Variants in FIGN observed in about 807,000 individuals in gnomAD.
The protein encoded by FIGN is fidgetin, microtubule severing factor.
FIGN carries 11 observed loss-of-function variants against 51.3 expected under a neutral mutation model. The ratio of observed to expected loss-of-function variants is 0.21; its 90% CI spans 0.13 to 0.35. The LOEUF (loss-of-function observed/expected upper bound fraction) is 0.35. Among genes scored for constraint, FIGN ranks in the 10% least tolerant of loss-of-function variants. The probability of loss-of-function intolerance (pLI) is 1.00; values close to 1 mark genes in which losing one functional copy is unlikely to be tolerated. For synonymous variants in FIGN, 407 were observed against 363.2 expected, an observed-to-expected ratio of 1.12 and a Z score of -1.37; for missense variants, 857 against 943.6, an observed-to-expected ratio of 0.91 and a Z score of 1.20.
Position 163,735,037 on chromosome 2 carries a change from TG to T in FIGN, c.-111del. Reference sequence around the variant, plus strand: ...TCTCAGCTATCAAATGTCACTGCCTTGAAACGTGGGCCCTTTCGTCAGGTAT... The same window carrying T: ...TCTCAGCTATCAAATGTCACTGCCTTAAACGTGGGCCCTTTCGTCAGGTAT... On this transcript the variant is annotated 5_prime_UTR_variant, in exon 2 of 3. Coordinates refer to ENST00000333129, the MANE Select transcript of FIGN (RefSeq NM_018086.4). 9.0e-7 allele frequency: 1 copy of T among 1,106,072 alleles called. No homozygotes were observed. The highest frequency in any genetic ancestry group is 1.3e-6 in the Non-Finnish European group (1 of 748,274). The allele number at this position is 1,106,072 out of a possible 1,614,324, so 68.5% of individuals were successfully genotyped here. A position where few individuals can be genotyped will look rare whatever the true frequency, so the allele number is the denominator to read the frequency against.
chr2:163,727,905 A>T (rs1684863255), intron 2 of FIGN, among the ~76,000 whole-genome samples: 2 of 152,158 alleles, frequency 1.3e-5, no homozygotes, highest in South Asian at 2.1e-4. Flanking sequence ...CAACGATGTA[A>T]ATGTTTTGTC....
intron 2 of FIGN, among the ~76,000 whole-genome samples, chr2:163,613,767 A>T (rs974056087): frequency 1.3e-5 from 2 of 152,232 alleles, no homozygotes; most frequent in Non-Finnish European, 2.9e-5. Flanking sequence ...ATAAATGAAT[A>T]AAGCAACAGG....
chr2:163,633,304 G>A (rs764258970), intron 2 of FIGN, among the ~76,000 whole-genome samples: 1 of 152,122 alleles, frequency 6.6e-6, no homozygotes, highest in Non-Finnish European at 1.5e-5. Context: ...GCTAACTTTT[G>A]TTCCACTTTC....
At chr2:163,614,839 G>T (rs1447026312) in intron 2 of FIGN, among the ~76,000 whole-genome samples, 4 of 151,846 alleles carry the variant, frequency 2.6e-5, no homozygotes, top group South Asian at 2.1e-4. Context: ...AACACAGGAG[G>T]TGGGAACCCC....
chr2:163,674,737 G>A (rs62169899), intron 2 of FIGN, among the ~76,000 whole-genome samples: 25,225 of 152,002 alleles, frequency 0.17, 2,219 homozygotes, highest in Middle Eastern at 0.26. Flanking sequence ...TAATAATGCA[G>A]TTTTTGGATT....
intron 2 of FIGN, among the ~76,000 whole-genome samples, chr2:163,711,670 A>AC (rs1559029581): frequency 6.6e-6 from 1 of 151,916 alleles, no homozygotes; most frequent in East Asian, 1.9e-4. Context: ...AAAAAAAAAA[A>AC]AAACTATTTC....
At position 163,642,576 on chromosome 2, in the gene FIGN, T is replaced by C. The variant is rs190224768; in HGVS notation, c.26-30770A>G. Among the ~76,000 whole-genome samples the C allele has an allele frequency of 4.2e-3, 647 of 152,278 alleles. 4 individuals carry two copies. Among genetic ancestry groups the C allele is most frequent in the Middle Eastern group, 0.01 (3 of 294 alleles). ...ATAACCTAGAACCTATAAAACACTG[T>C]GGACTCTCAGAGGAAGGAGTATCTA... On this transcript the variant is annotated intron_variant, in intron 2 of 2. Transcript: ENST00000333129.
chr2:163,628,911 C>T (rs1199601025), intron 2 of FIGN, among the ~76,000 whole-genome samples: 2 of 152,080 alleles, frequency 1.3e-5, no homozygotes, highest in African/African-American at 4.8e-5. Context: ...TAAGGCCAGC[C>T]CAGAGCTAAA....
At chr2:163,636,800 A>G (rs1448031211) in intron 2 of FIGN, among the ~76,000 whole-genome samples, 2 of 152,050 alleles carry the variant, frequency 1.3e-5, no homozygotes, top group Non-Finnish European at 2.9e-5. Flanking sequence ...GTCTGTTCAT[A>G]TATAAATATA....
intron 2 of FIGN, among the ~76,000 whole-genome samples, chr2:163,657,308 G>A (rs537756590): frequency 5.9e-5 from 9 of 152,132 alleles, no homozygotes; most frequent in Non-Finnish European, 7.4e-5. Context: ...AAGCCTCCTC[G>A]CTCTCAGCAA....
In FIGN at chr2:163,687,370, G is replaced by C. The variant is rs1033935899; in HGVS notation, c.25+47533C>G. 6.6e-5 allele frequency among the ~76,000 whole-genome samples: 10 copies of C among 152,204 alleles called. 1 individual carries two copies. Among genetic ancestry groups the C allele is most frequent in the Middle Eastern group, 6.3e-3 (2 of 316 alleles). On this transcript the variant is annotated intron_variant, in intron 2 of 2. Transcript: ENST00000333129. Reference sequence around the variant, plus strand: ...CTCAACCACTAGGCTTTGAGTGCTAGTTTAGAGAGCAGAACACACTGTCAA... The same window carrying C: ...CTCAACCACTAGGCTTTGAGTGCTACTTTAGAGAGCAGAACACACTGTCAA...
Position 163,610,163 on chromosome 2 carries a change from C to T in FIGN, c.1669G>A (p.Ala557Thr), listed in dbSNP as rs201166518. The change falls in exon 3 of 3, where the codon GCC becomes ACC. Residue 557 changes from alanine to threonine, a missense_variant. By Grantham distance (58) the Ala-to-Thr change is moderately conservative (BLOSUM62 0). Coordinates refer to ENST00000333129, the MANE Select transcript of FIGN (RefSeq NM_018086.4). ...TTCTCTGCTTCTCCTAACCACTTGG[C>T]GACTAGTCCAGAACCGGCAATTTTG... ...FFKIAGSGLV[A>T]KWLGEAEKII... The T allele has an allele frequency of 6.2e-4, 997 of 1,613,952 alleles. No individual in the cohort carries two copies. Among genetic ancestry groups the T allele is most frequent in the Non-Finnish European group, 8.0e-4 (945 of 1,180,010 alleles).
intron 2 of FIGN, among the ~76,000 whole-genome samples, chr2:163,724,302 G>C (rs1311631690): frequency 1.3e-5 from 2 of 152,116 alleles, no homozygotes; most frequent in African/African-American, 2.4e-5. Flanking sequence ...CGGATGATGA[G>C]CTATCTGTAC....
intron 2 of FIGN, among the ~76,000 whole-genome samples, chr2:163,641,381 C>G (rs561835160): frequency 2.8e-4 from 42 of 152,070 alleles, no homozygotes; most frequent in Middle Eastern, 3.4e-3. Context: ...GAAAATTAAA[C>G]AGCAAAAGCT....
At chr2:163,673,443 CAAGATTT>C (rs1252784383) in intron 2 of FIGN, among the ~76,000 whole-genome samples, 18 of 152,038 alleles carry the variant, frequency 1.2e-4, no homozygotes, top group Non-Finnish European at 2.4e-4. Flanking sequence ...TGCCTTATTC[CAAGATTT>C]CAGTGTACAA....
chr2:163,702,983 C>T (rs990282413), intron 2 of FIGN, among the ~76,000 whole-genome samples: 1 of 151,046 alleles, frequency 6.6e-6, no homozygotes, highest in Non-Finnish European at 1.5e-5. Context: ...TATCCCTGAA[C>T]AGGTTGAGCA....
intron 2 of FIGN, among the ~76,000 whole-genome samples, chr2:163,711,755 A>G (rs1450323862): frequency 1.3e-5 from 2 of 152,260 alleles, no homozygotes; most frequent in African/African-American, 2.4e-5. Flanking sequence ...TACTATTTCT[A>G]CTTCCAGGAA....
chr2:163,643,079 AC>A (rs1176082786), intron 2 of FIGN, among the ~76,000 whole-genome samples: 2 of 152,150 alleles, frequency 1.3e-5, no homozygotes, highest in Non-Finnish European at 2.9e-5. Flanking sequence ...AATAGTAAAA[AC>A]AATCTTATTT....
At chr2:163,645,707 A>G (rs1446019500) in intron 2 of FIGN, among the ~76,000 whole-genome samples, 3 of 152,216 alleles carry the variant, frequency 2.0e-5, no homozygotes, top group Admixed American at 1.3e-4. Flanking sequence ...ATAAAGGAGT[A>G]TGGCCTACTC....
Sources: gnomAD v4.1 joint callset for allele counts (sites outside exome capture counted in the v4.1 genomes callset) on GRCh38, gnomAD v4.1.1 for gene constraint, MANE v1.5 for transcripts, NCBI Gene and HGNC (gene_info 2026-07-23, HGNC 2026-07-21) for gene names.